The following RABL6 variants were observed in gnomAD, a reference collection of about 807,000 sequenced individuals.
The protein encoded by RABL6 is RAB, member RAS oncogene family like 6, also known as rab-like protein 6.
A neutral mutation model predicts 72.9 loss-of-function variants in RABL6; 28 were observed. The observed-to-expected ratio is 0.38, with a 90% CI of 0.28 to 0.53. The LOEUF (loss-of-function observed/expected upper bound fraction) is 0.53, where lower values mean the gene tolerates loss of function less well. Among genes scored for constraint, RABL6 ranks in the 20% least tolerant of loss-of-function variants. The pLI is 0.80. For missense variants in RABL6, 1,029 were observed against 1,008.4 expected (o/e 1.02, Z -0.28); for synonymous variants, 477 against 421.2 (o/e 1.13, Z -1.62).
chr9:136,819,512 A>G (rs570912131), intron 1 of RABL6, among the ~76,000 whole-genome samples: 1 of 152,212 alleles, frequency 6.6e-6, no homozygotes, highest in African/African-American at 2.4e-5. Context: ...TTTTTCTTTA[A>G]TTTGGCTATG....
intron 1 of RABL6, among the ~76,000 whole-genome samples, chr9:136,820,236 A>C (rs1309429447): frequency 6.7e-6 from 1 of 148,298 alleles, no homozygotes; most frequent in Non-Finnish European, 1.5e-5. Context: ...TAGCTGGCAG[A>C]TGTCTGTAGT....
chr9:136,830,802 C>T (rs780594219), intron 5 of RABL6, among the ~76,000 whole-genome samples: 25 of 152,372 alleles, frequency 1.6e-4, no homozygotes, highest in Admixed American at 5.9e-4. Flanking sequence ...CCTGTGGGCC[C>T]GGAGACCCTG....
chr9:136,813,051 G>C, intron 1 of RABL6: 2 of 379,950 alleles, frequency 5.3e-6, no homozygotes, highest in Non-Finnish European at 1.0e-5. Flanking sequence ...CAAAGCCTTT[G>C]GGGCACCCGG....
At chr9:136,821,999 C>T (rs1848247664) in intron 1 of RABL6, 11 of 1,289,690 alleles carry the variant, frequency 8.5e-6, no homozygotes, top group Non-Finnish European at 1.1e-5. Flanking sequence ...GTTGAGGTAC[C>T]TAGGATGGGC....
rs577271373 is a variant in RABL6 at position 136,837,871 on chromosome 9, C to T, written c.1136C>T (p.Pro379Leu). 3.8e-5 allele frequency: 59 copies of T among 1,549,504 alleles called. No homozygotes were observed. The highest frequency in any genetic ancestry group is 5.5e-5 in the African/African-American group (4 of 73,138). The change falls in exon 10 of 15, where the codon CCG (proline) becomes CTG (leucine). Residue 379 changes from proline to leucine, a missense_variant. Pro to Leu is a moderately conservative substitution (Grantham distance 98). This residue lies in a region of RABL6 where 434 missense variants were observed against 536.1 expected (regional missense o/e 0.81). Coordinates refer to ENST00000311502, the MANE Select transcript of RABL6 (RefSeq NM_024718.5). ...GCATCACTGTTCACAGAGCCAGTCC[C>T]GGCCGCAGAGGGCCCAGCAACGGTC... ...EAAPPPPEPV[P>L]AAEGPATVQS...
At chr9:136,811,635 CA>C (rs897377491) in intron 1 of RABL6, among the ~76,000 whole-genome samples, 5 of 143,940 alleles carry the variant, frequency 3.5e-5, no homozygotes, top group African/African-American at 1.1e-4. Flanking sequence ...AAAAAAAAAA[CA>C]ATTGCACCAC....
chr9:136,832,243 C>A, intron 6 of RABL6, 22 bp from the exon 7 acceptor site: 1 of 1,603,822 alleles, frequency 6.2e-7, no homozygotes, highest in Middle Eastern at 1.7e-4. Flanking sequence ...TCTCTTGCAT[C>A]TTTTTTCCTT....
intron 10 of RABL6, 32 bp from the exon 11 acceptor site, chr9:136,838,877 G>A: frequency 6.6e-7 from 1 of 1,511,132 alleles, no homozygotes; most frequent in Non-Finnish European, 8.9e-7. Flanking sequence ...CCTACCCCGT[G>A]GCCCTTGACC....
At chr9:136,816,365 A>T (rs1281701884) in intron 1 of RABL6, among the ~76,000 whole-genome samples, 1 of 151,062 alleles carries the variant, frequency 6.6e-6, no homozygotes, top group Non-Finnish European at 1.5e-5. Context: ...TTGGCCTCCC[A>T]AAGTGCTGGC....
rs760101952 is a variant in RABL6 at position 136,832,403 on chromosome 9, C to G, written c.705+33C>G. ...CTCACCACGTGGGGTGGAGTGGCTG[C>G]TGGTCTCTCACCTCCTTCCAGGTGT... On this transcript the variant is annotated intron_variant, in intron 7 of 14. Coordinates refer to ENST00000311502, the MANE Select transcript of RABL6 (RefSeq NM_024718.5). The G allele has an allele frequency of 1.0e-5, 16 of 1,524,506 alleles. No individual in the cohort carries two copies. In the South Asian group the frequency reaches 1.8e-4, roughly 17 times the overall value. The allele number at this position is 1,524,506 out of a possible 1,614,324, so 94.4% of individuals were successfully genotyped here.
intron 10 of RABL6, among the ~76,000 whole-genome samples, chr9:136,838,703 C>T (rs943626740): frequency 1.3e-5 from 2 of 152,240 alleles, no homozygotes; most frequent in African/African-American, 4.8e-5. Flanking sequence ...CGCAGGGCAG[C>T]ACTGTGTCCA....
intron 7 of RABL6, chr9:136,832,648 TTGAGA>T (rs1848502185): frequency 2.1e-6 from 1 of 476,384 alleles, no homozygotes; most frequent in Non-Finnish European, 3.9e-6. Context: ...TTTTTGTTTG[TTGAGA>T]TAAGGTCTTG....
chr9:136,808,023 G>A lies in RABL6; in HGVS notation c.-174G>A, dbSNP rs1847903265. 1.9e-6 allele frequency: 2 copies of A among 1,042,824 alleles called. No homozygotes were observed. Among genetic ancestry groups the A allele is most frequent in the Non-Finnish European group, 1.2e-6 (1 of 866,632 alleles). The allele number at this position is 1,042,824 out of a possible 1,614,324, so 64.6% of individuals were successfully genotyped here. On this transcript the variant is annotated 5_prime_UTR_variant, in exon 1 of 15. Transcript: ENST00000311502. Reference sequence around the variant, plus strand: ...CCGGAGCGGAGCAGCCGCGGCTGAGGTTCCCGAGTCGCCGCTCGGGGCTGC... The same window carrying A: ...CCGGAGCGGAGCAGCCGCGGCTGAGATTCCCGAGTCGCCGCTCGGGGCTGC...
intron 1 of RABL6, chr9:136,821,835 G>C (rs1389166978): frequency 5.8e-6 from 7 of 1,198,712 alleles, no homozygotes; most frequent in Non-Finnish European, 7.4e-6. Flanking sequence ...CCTTCCGCGG[G>C]GTGGGCTCGG....
At chr9:136,831,979 G>C in intron 6 of RABL6, 118 bp downstream of exon 6, 1 of 1,390,576 alleles carries the variant, frequency 7.2e-7, no homozygotes, top group East Asian at 2.5e-5. Context: ...GGCGGATGTG[G>C]GTCTCGCCGC....
Position 136,837,391 on chromosome 9 carries a change from A to G in RABL6, c.855A>G (p.Pro285=). 1 of 1,600,300 alleles carries G rather than the reference A, an allele frequency of 6.2e-7. No homozygotes were observed. Among genetic ancestry groups the G allele is most frequent in the South Asian group, 1.1e-5 (1 of 89,026 alleles). ...CTCGCAGCCGTGGCCATGCGTCCCC[A>G]CTGGCGGCCAACGGGCAGAGCCCAT... ...MEARSRGHAS[P]LAANGQSPSP... is the part of the protein sequence containing the mutation. Residue 285 remains proline, a synonymous_variant, in exon 9 of 15, where the codon CCA becomes CCG. Coordinates refer to ENST00000311502, the MANE Select transcript of RABL6 (RefSeq NM_024718.5).
chr9:136,823,313 C>G (rs1158160222), intron 1 of RABL6, among the ~76,000 whole-genome samples: 1 of 152,100 alleles, frequency 6.6e-6, no homozygotes, highest in Admixed American at 6.5e-5. Context: ...CGTTGATGCT[C>G]TGTGTGCTGC....
intron 5 of RABL6, among the ~76,000 whole-genome samples, chr9:136,830,293 A>G (rs1012583842): frequency 6.6e-6 from 1 of 152,258 alleles, no homozygotes; most frequent in African/African-American, 2.4e-5. Context: ...AGCACGCATC[A>G]GCAGCCCAGG....
In RABL6 at chr9:136,840,325, G is replaced by A. The variant is rs371611809; in HGVS notation, c.1993G>A (p.Glu665Lys). ...KKKKKKGKEE[E>K]EKAAKKKSKH... ...GCCCCATCCTTGTGCTCCTCAGGAAGAAGAAAAAGCTGCCAAGAAGAAGAG... is the reference window on the plus strand; with the variant it reads ...GCCCCATCCTTGTGCTCCTCAGGAAAAAGAAAAAGCTGCCAAGAAGAAGAG... Residue 665 changes from glutamate to lysine, a missense_variant, in exon 15 of 15, where the codon GAA becomes AAA. This residue lies in a region of RABL6 where 595 missense variants were observed against 472.4 expected (regional missense o/e 1.26). Coordinates refer to ENST00000311502, the MANE Select transcript of RABL6 (RefSeq NM_024718.5). 1.9e-6 allele frequency: 3 copies of A among 1,585,248 alleles called. No individual in the cohort carries two copies. The highest frequency in any genetic ancestry group is 1.4e-5 in the African/African-American group (1 of 73,928).
Sources: allele counts gnomAD v4.1 joint callset (sites outside exome capture counted in the v4.1 genomes callset), GRCh38; gene constraint gnomAD v4.1.1; regional missense constraint gnomAD v4.1.1; transcripts MANE v1.5; gene names NCBI Gene and HGNC (gene_info 2026-07-23, HGNC 2026-07-21).